DYRK1A: variants seen among roughly 807,000 people sequenced by gnomAD.
DYRK1A encodes dual specificity tyrosine phosphorylation regulated kinase 1A.
DYRK1A carries 9 observed loss-of-function variants against 79.7 expected under a neutral mutation model. The ratio of observed to expected loss-of-function variants is 0.11; its 90% CI spans 0.07 to 0.20. DYRK1A has a LOEUF of 0.20. Ranked by LOEUF, DYRK1A falls within the 10% of genes least tolerant of loss-of-function variation. The probability of loss-of-function intolerance (pLI) is 1.00; values close to 1 mark genes in which losing one functional copy is unlikely to be tolerated. For missense variants in DYRK1A, 622 were observed against 956.0 expected (o/e 0.65, Z 4.61); for synonymous variants, 349 against 329.7 (o/e 1.06, Z -0.63).
intron 2 of DYRK1A, among the ~76,000 whole-genome samples, chr21:37,435,683 C>A (rs1222410063): frequency 6.6e-6 from 1 of 152,004 alleles, no homozygotes; most frequent in Non-Finnish European, 1.5e-5. Flanking sequence ...GAAACAGTAC[C>A]CTTGTAGTAA....
intron 7 of DYRK1A, among the ~76,000 whole-genome samples, chr21:37,491,881 C>T (rs1386741875): frequency 6.6e-6 from 1 of 152,156 alleles, no homozygotes; most frequent in African/African-American, 2.4e-5. Flanking sequence ...AAGTTTTTAA[C>T]TATTCAAGTT....
At chr21:37,417,529 C>CTTTTTCTTTTT (rs1555959239) in intron 1 of DYRK1A, among the ~76,000 whole-genome samples, 4 of 44,044 alleles carry the variant, frequency 9.1e-5, no homozygotes, top group Non-Finnish European at 1.2e-4. Context: ...TTTTCTTTTT[C>CTTTTTCTTTTT]TTTTTTTTTT....
rs141943121 is a variant in DYRK1A, at chr21:37,391,048, T to G, written c.-77+23420T>G. The stretch of plus-strand genomic sequence containing the variant: ...GTCTCAGGCAGGAATGATGCTGTTT[T>G]GAATTTTGATGAAGTCTAATTATTA... On this transcript the variant is annotated intron_variant, in intron 1 of 11. Coordinates refer to ENST00000647188, the MANE Select transcript of DYRK1A (RefSeq NM_001347721.2). Among the ~76,000 whole-genome samples, 448 of 152,364 alleles carry G rather than the reference T, an allele frequency of 2.9e-3. 1 individual carries two copies. The highest frequency in any genetic ancestry group is 0.01 in the African/African-American group (430 of 41,588).
intron 1 of DYRK1A, among the ~76,000 whole-genome samples, chr21:37,373,588 C>T (rs1415233249): frequency 6.6e-6 from 1 of 152,212 alleles, no homozygotes; most frequent in South Asian, 2.1e-4. Flanking sequence ...TTGTTGCTTT[C>T]CTGTGCTTAC....
At chr21:37,444,250 ACC>A (rs2148485094) in intron 2 of DYRK1A, among the ~76,000 whole-genome samples, 1 of 152,366 alleles carries the variant, frequency 6.6e-6, no homozygotes, top group African/African-American at 2.4e-5. Context: ...GTCTCCCAGT[ACC>A]ACCTGTAGTA....
chr21:37,403,557 C>T (rs1045184942), intron 1 of DYRK1A, among the ~76,000 whole-genome samples: 2 of 151,648 alleles, frequency 1.3e-5, no homozygotes, highest in Non-Finnish European at 2.9e-5. Flanking sequence ...CCTCACACTG[C>T]TGGGCTCAAG....
intron 2 of DYRK1A, among the ~76,000 whole-genome samples, chr21:37,442,242 G>A (rs1207371406): frequency 6.6e-6 from 1 of 151,836 alleles, no homozygotes; most frequent in Non-Finnish European, 1.5e-5. Context: ...TAGATCTATG[G>A]GTTTGTAGTT....
At chr21:37,385,086 A>G (rs370039742) in intron 1 of DYRK1A, among the ~76,000 whole-genome samples, 2 of 152,062 alleles carry the variant, frequency 1.3e-5, no homozygotes, top group East Asian at 1.9e-4. Flanking sequence ...GGCTTCATAT[A>G]TACATCTACA....
chr21:37,442,829 G>T (rs1037970778), intron 2 of DYRK1A, among the ~76,000 whole-genome samples: 1 of 152,114 alleles, frequency 6.6e-6, no homozygotes, highest in African/African-American at 2.4e-5. Context: ...TACAGTTATA[G>T]TACCTGTTTC....
chr21:37,411,709 T>G (rs2050248474), intron 1 of DYRK1A, among the ~76,000 whole-genome samples: 2 of 152,214 alleles, frequency 1.3e-5, no homozygotes, highest in Non-Finnish European at 2.9e-5. Context: ...GGTTTAAGTT[T>G]TAATTTCATC....
At chr21:37,498,678 T>A (rs574401635) in intron 9 of DYRK1A, among the ~76,000 whole-genome samples, 17 of 152,318 alleles carry the variant, frequency 1.1e-4, no homozygotes, top group African/African-American at 4.1e-4. Context: ...TGTTTTCATC[T>A]CTCTGACAGC....
At chr21:37,511,649 A>C (rs917880286) in intron 11 of DYRK1A, among the ~76,000 whole-genome samples, 1 of 152,214 alleles carries the variant, frequency 6.6e-6, no homozygotes, top group African/African-American at 2.4e-5. Flanking sequence ...AGGGCTCCCA[A>C]GGAAGGACAG....
Position 37,512,159 on chromosome 21 carries a change from C to T in DYRK1A, c.1893C>T (p.Ser631=), listed in dbSNP as rs1057523331. The change falls in exon 12 of 12, where the codon TCC becomes TCT. Residue 631 remains serine, a synonymous_variant. Coordinates refer to ENST00000647188, the MANE Select transcript of DYRK1A (RefSeq NM_001347721.2). ...PRVYNSPTNS[S]STQDSMEVGH... ...TCTACAATTCTCCAACGAATAGCTC[C>T]TCTACCCAAGATTCTATGGAGGTTG... The T allele has an allele frequency of 6.8e-6, 11 of 1,614,090 alleles. No individual in the cohort carries two copies. Among genetic ancestry groups the T allele is most frequent in the East Asian group, 2.2e-5 (1 of 44,902 alleles).
intron 1 of DYRK1A, among the ~76,000 whole-genome samples, chr21:37,417,523 C>CTTTTTTTTT (rs1378320554): frequency 2.1e-5 from 1 of 47,160 alleles, no homozygotes; most frequent in Non-Finnish European, 4.0e-5. Flanking sequence ...TTTTCTTTTT[C>CTTTTTTTTT]TTTTTCTTTT....
At chr21:37,485,699 A>G (rs1282692572) in intron 5 of DYRK1A, among the ~76,000 whole-genome samples, 1 of 152,098 alleles carries the variant, frequency 6.6e-6, no homozygotes, top group Non-Finnish European at 1.5e-5. Context: ...AAGAGATAAC[A>G]TTTTCTTTTA....
intron 2 of DYRK1A, among the ~76,000 whole-genome samples, chr21:37,469,845 A>T (rs1346949204): frequency 6.6e-6 from 1 of 152,234 alleles, no homozygotes; most frequent in Non-Finnish European, 1.5e-5. Flanking sequence ...GCAGGGACAC[A>T]GATCCAAACT....
chr21:37,380,426 G>A (rs908873671), intron 1 of DYRK1A, among the ~76,000 whole-genome samples: 4 of 151,750 alleles, frequency 2.6e-5, no homozygotes, highest in African/African-American at 9.7e-5. Flanking sequence ...CGTTGTTGTG[G>A]TTCTGTAGTA....
At chr21:37,505,757 A>G (rs2053577532) in intron 10 of DYRK1A, among the ~76,000 whole-genome samples, 168 bp downstream of exon 10, 3 of 152,244 alleles carry the variant, frequency 2.0e-5, no homozygotes, top group South Asian at 2.1e-4. Flanking sequence ...CAAAGCTCCA[A>G]TATTTAGTTA....
At position 37,519,051 on chromosome 21, in the gene DYRK1A, A is replaced by G. The variant is rs1010291951; in HGVS notation, c.*6520A>G. 4 of 152,248 alleles carry G rather than the reference A, an allele frequency of 2.6e-5. No individual in the cohort carries two copies. The highest frequency in any genetic ancestry group is 9.6e-5 in the African/African-American group (4 of 41,474). The allele number at this position is 152,248 out of a possible 1,614,324, so 9.4% of individuals were successfully genotyped here. A position where few individuals can be genotyped will look rare whatever the true frequency, so the allele number is the denominator to read the frequency against. On this transcript the variant is annotated 3_prime_UTR_variant, in exon 12 of 12. Transcript: ENST00000647188. ...GGCAGAAATTGCCAGATGTAAGTAT[A>G]TAAAACTTACACAGTTTGTTCCTTT...
Sources: allele counts gnomAD v4.1 joint callset (sites outside exome capture counted in the v4.1 genomes callset), GRCh38; gene constraint gnomAD v4.1.1; transcripts MANE v1.5; gene names NCBI Gene and HGNC (gene_info 2026-07-23, HGNC 2026-07-21).